Variants in CREB5 observed in about 807,000 individuals in gnomAD.
CREB5 encodes the protein cyclic AMP-responsive element-binding protein 5.
In CREB5, 19 loss-of-function variants were observed where a neutral mutation model predicts 57.1. The observed-to-expected ratio is 0.33, with a 90% CI of 0.23 to 0.49. The LOEUF (loss-of-function observed/expected upper bound fraction) is 0.49. CREB5 is among the 20% of genes least tolerant of loss of function. The pLI, the probability that CREB5 is intolerant of heterozygous loss-of-function variation, is 0.99. For missense variants in CREB5, 579 were observed against 671.6 expected (o/e 0.86, Z 1.52); for synonymous variants, 238 against 238.3 (o/e 1.00, Z 0.01).
chr7:28,776,601 T>C (rs1356237396), intron 7 of CREB5, among the ~76,000 whole-genome samples: 1 of 152,250 alleles, frequency 6.6e-6, no homozygotes, highest in African/African-American at 2.4e-5. Flanking sequence ...CAGTGGTTTT[T>C]AGTATATTTA....
intron 1 of CREB5, among the ~76,000 whole-genome samples, chr7:28,416,021 G>A (rs190926390): frequency 6.6e-6 from 1 of 152,230 alleles, no homozygotes; most frequent in East Asian, 1.9e-4. Flanking sequence ...ATTCATGCAT[G>A]CAACACAGAG....
intron 5 of CREB5, among the ~76,000 whole-genome samples, chr7:28,681,303 C>A (rs184674084): frequency 6.6e-6 from 1 of 152,190 alleles, no homozygotes; most frequent in Non-Finnish European, 1.5e-5. Context: ...GAAGACCGAG[C>A]AGCCTGTGTT....
intron 1 of CREB5, among the ~76,000 whole-genome samples, chr7:28,343,588 T>C (rs1785978047): frequency 6.6e-6 from 1 of 152,226 alleles, no homozygotes; most frequent in Non-Finnish European, 1.5e-5. Flanking sequence ...TGTATCTATA[T>C]CTACATATAC....
intron 1 of CREB5, among the ~76,000 whole-genome samples, chr7:28,453,216 T>C (rs190674085): frequency 3.3e-4 from 51 of 152,268 alleles, no homozygotes; most frequent in African/African-American, 1.1e-3. Flanking sequence ...GGTGGGAGGA[T>C]TGCTTGAGTC....
intron 5 of CREB5, among the ~76,000 whole-genome samples, chr7:28,685,165 G>A (rs1057214452): frequency 6.6e-6 from 1 of 152,190 alleles, no homozygotes; most frequent in Non-Finnish European, 1.5e-5. Flanking sequence ...AGTTGTGGGG[G>A]CACAGCCTGT....
chr7:28,447,902 A>G (rs919441117), intron 1 of CREB5, among the ~76,000 whole-genome samples: 1 of 152,216 alleles, frequency 6.6e-6, no homozygotes, highest in Non-Finnish European at 1.5e-5. Context: ...GCAAGAAACC[A>G]CTTTAGTGAG....
chr7:28,525,218 C>A (rs1370026487), intron 4 of CREB5, among the ~76,000 whole-genome samples: 1 of 152,092 alleles, frequency 6.6e-6, no homozygotes, highest in African/African-American at 2.4e-5. Context: ...TCTTTATGCA[C>A]TTATTTATTG....
intron 1 of CREB5, among the ~76,000 whole-genome samples, chr7:28,389,577 T>A (rs947893574): frequency 2.0e-5 from 3 of 152,110 alleles, no homozygotes; most frequent in African/African-American, 4.8e-5. Context: ...GAAAACCAGT[T>A]GTGGGTTTAA....
chr7:28,754,812 A>G (rs1486274472), intron 7 of CREB5, among the ~76,000 whole-genome samples: 1 of 152,186 alleles, frequency 6.6e-6, no homozygotes, highest in Non-Finnish European at 1.5e-5. Flanking sequence ...GTCAGCATCA[A>G]GCAGCATCCA....
intron 5 of CREB5, among the ~76,000 whole-genome samples, chr7:28,572,833 T>C (rs1288545895): frequency 6.6e-6 from 1 of 152,206 alleles, no homozygotes; most frequent in Non-Finnish European, 1.5e-5. Flanking sequence ...TTCTGTGGTA[T>C]GGACGCCTTT....
At chr7:28,326,618 A>G (rs1249235402) in intron 1 of CREB5, among the ~76,000 whole-genome samples, 2 of 152,248 alleles carry the variant, frequency 1.3e-5, no homozygotes, top group Non-Finnish European at 1.5e-5. Flanking sequence ...ACACCAGTGA[A>G]CAAGGTGGCC....
chr7:28,563,839 G>A (rs1795374606), intron 4 of CREB5, among the ~76,000 whole-genome samples: 2 of 152,034 alleles, frequency 1.3e-5, no homozygotes, highest in South Asian at 4.1e-4. Flanking sequence ...GTGTTACAGT[G>A]CTGCGGAGAA....
intron 7 of CREB5, among the ~76,000 whole-genome samples, chr7:28,757,533 C>T (rs1332280148): frequency 2.6e-5 from 4 of 151,946 alleles, no homozygotes; most frequent in East Asian, 1.9e-4. Flanking sequence ...ATTAGCCAGG[C>T]GTGGTGGCGG....
At chr7:28,425,385 A>C (rs1788463713) in intron 1 of CREB5, among the ~76,000 whole-genome samples, 1 of 152,150 alleles carries the variant, frequency 6.6e-6, no homozygotes, top group Non-Finnish European at 1.5e-5. Flanking sequence ...AATGTCCAGA[A>C]TAGGCAAATC....
intron 4 of CREB5, among the ~76,000 whole-genome samples, chr7:28,566,880 T>A (rs1795505206): frequency 6.6e-6 from 1 of 152,214 alleles, no homozygotes; most frequent in South Asian, 2.1e-4. Flanking sequence ...GATGAAGAGA[T>A]GCCTTTAAAG....
intron 1 of CREB5, among the ~76,000 whole-genome samples, chr7:28,478,778 T>C (rs573868460): frequency 6.6e-6 from 1 of 152,250 alleles, no homozygotes; most frequent in South Asian, 2.1e-4. Flanking sequence ...GTGGGAGCTG[T>C]AGGTGGCCAA....
At chr7:28,434,393 T>C (rs1788856197) in intron 1 of CREB5, among the ~76,000 whole-genome samples, 1 of 152,204 alleles carries the variant, frequency 6.6e-6, no homozygotes, top group African/African-American at 2.4e-5. Context: ...CAGATCCAGT[T>C]ATTTGTAAAC....
upstream of CREB5, among the ~76,000 whole-genome samples, chr7:28,407,736 G>A (rs867371033): frequency 1.3e-5 from 2 of 152,120 alleles, no homozygotes; most frequent in Non-Finnish European, 2.9e-5. Context: ...AACACTAAAG[G>A]GCAAGGGGCC....
intron 5 of CREB5, among the ~76,000 whole-genome samples, chr7:28,619,676 G>T (rs2128684299): frequency 6.6e-6 from 1 of 152,232 alleles, no homozygotes; most frequent in East Asian, 1.9e-4. Context: ...TAAAATAAAT[G>T]TGTCATGTAC....
Sources: gnomAD v4.1 joint callset for allele counts (sites outside exome capture counted in the v4.1 genomes callset) on GRCh38, gnomAD v4.1.1 for gene constraint, MANE v1.5 for transcripts, NCBI Gene and HGNC (gene_info 2026-07-23, HGNC 2026-07-21) for gene names.